The following CAMTA1 variants were observed in gnomAD, a reference collection of about 807,000 sequenced individuals.
The protein encoded by CAMTA1 is calmodulin-binding transcription activator 1.
In CAMTA1, 27 loss-of-function variants were observed where a neutral mutation model predicts 170.9. That is an observed-to-expected ratio of 0.16 (90% CI 0.12 to 0.22). The LOEUF is 0.22. Ranked by LOEUF, CAMTA1 falls within the 10% of genes least tolerant of loss-of-function variation. The pLI is 1.00. For synonymous variants in CAMTA1, 833 were observed against 891.5 expected, an observed-to-expected ratio of 0.93 and a Z score of 1.17; for missense variants, 1,619 against 2,217.2, an observed-to-expected ratio of 0.73 and a Z score of 5.42.
chr1:6,868,318 TA>T lies in CAMTA1; in HGVS notation c.234+43113del, dbSNP rs983806726. Reference sequence around the variant, plus strand: ...AGCGAGACTCTTTTTTTTTTTTTTTTAAAAACAAAACAAAACAAAACAAAAC... The same window carrying T: ...AGCGAGACTCTTTTTTTTTTTTTTTTAAAACAAAACAAAACAAAACAAAAC... On this transcript the variant is annotated intron_variant, in intron 3 of 22. Coordinates refer to ENST00000303635, the MANE Select transcript of CAMTA1 (RefSeq NM_015215.4). Among the ~76,000 whole-genome samples, 408 of 134,128 alleles carry T rather than the reference TA, an allele frequency of 3.0e-3. 1 individual carries two copies. The highest frequency in any genetic ancestry group is 0.011 in the African/African-American group (376 of 34,600). 88.0% of individuals were successfully genotyped at this position (134,128 alleles called of 152,430 possible). A position where few individuals can be genotyped will look rare whatever the true frequency, so the allele number is the denominator to read the frequency against.
At chr1:7,192,688 C>T (rs559977978) in intron 4 of CAMTA1, among the ~76,000 whole-genome samples, 31 of 152,274 alleles carry the variant, frequency 2.0e-4, no homozygotes, top group African/African-American at 7.2e-4. Flanking sequence ...GCATCACGGC[C>T]CCCTCACAAC....
At chr1:7,045,789 C>T (rs982128814) in intron 3 of CAMTA1, among the ~76,000 whole-genome samples, 2 of 152,210 alleles carry the variant, frequency 1.3e-5, no homozygotes, top group African/African-American at 2.4e-5. Context: ...GTGGCTGATA[C>T]GGGCTTGGAG....
intron 5 of CAMTA1, among the ~76,000 whole-genome samples, chr1:7,425,440 C>T (rs570649365): frequency 6.6e-5 from 10 of 152,196 alleles, no homozygotes; most frequent in South Asian, 2.1e-4. Context: ...CTGTGAATGG[C>T]GATGGGGGCA....
At chr1:6,868,318 TAAAAAC>T (rs1430113264) in intron 3 of CAMTA1, among the ~76,000 whole-genome samples, 3 of 134,034 alleles carry the variant, frequency 2.2e-5, no homozygotes, top group African/African-American at 8.7e-5. Context: ...TTTTTTTTTT[TAAAAAC>T]AAAACAAAAC....
At chr1:7,670,154 T>C (rs1387054553) in intron 9 of CAMTA1, among the ~76,000 whole-genome samples, 1 of 152,132 alleles carries the variant, frequency 6.6e-6, no homozygotes, top group East Asian at 1.9e-4. Context: ...ACTGCTTGCT[T>C]GTGGGACCCC....
intron 7 of CAMTA1, among the ~76,000 whole-genome samples, chr1:7,658,129 G>T (rs1307090627): frequency 1.3e-5 from 2 of 152,208 alleles, no homozygotes; most frequent in East Asian, 3.8e-4. Flanking sequence ...AGGTGGGGCT[G>T]CCCTGAAAAC....
intron 1 of CAMTA1, among the ~76,000 whole-genome samples, chr1:6,812,791 C>T (rs1457802048): frequency 1.3e-5 from 2 of 152,196 alleles, no homozygotes; most frequent in Non-Finnish European, 2.9e-5. Flanking sequence ...AATCTGATTT[C>T]TCAGGCCATA....
intron 4 of CAMTA1, among the ~76,000 whole-genome samples, chr1:7,117,591 C>T (rs572196083): frequency 5.3e-5 from 8 of 152,282 alleles, no homozygotes; most frequent in African/African-American, 1.7e-4. Flanking sequence ...AAACCCTGAA[C>T]GTTTAATAAC....
chr1:6,862,024 G>A (rs1161839588), intron 3 of CAMTA1, among the ~76,000 whole-genome samples: 1 of 150,456 alleles, frequency 6.6e-6, no homozygotes. Flanking sequence ...GTGCAGTGGT[G>A]CAATCTTGGC....
At chr1:6,957,501 C>T (rs1366812601) in intron 3 of CAMTA1, among the ~76,000 whole-genome samples, 1 of 151,374 alleles carries the variant, frequency 6.6e-6, no homozygotes, top group Non-Finnish European at 1.5e-5. Context: ...ATTGGCTTTT[C>T]CAGCTTTCAG....
intron 4 of CAMTA1, among the ~76,000 whole-genome samples, chr1:7,125,687 T>C (rs1644889865): frequency 6.6e-6 from 1 of 151,954 alleles, no homozygotes. Context: ...CCGGGGCGAC[T>C]GGGGGCTGGC....
chr1:7,391,123 G>A (rs917379559), intron 5 of CAMTA1, among the ~76,000 whole-genome samples: 1 of 151,884 alleles, frequency 6.6e-6, no homozygotes, highest in Non-Finnish European at 1.5e-5. Context: ...TCAGCCTCCC[G>A]AGTAGCCGGG....
intron 5 of CAMTA1, among the ~76,000 whole-genome samples, chr1:7,431,818 A>G (rs1386686253): frequency 6.6e-6 from 1 of 152,038 alleles, no homozygotes; most frequent in Non-Finnish European, 1.5e-5. Context: ...GGCTTTTCTG[A>G]TGCCTAAGCC....
At chr1:6,989,950 C>T (rs1041361064) in intron 3 of CAMTA1, among the ~76,000 whole-genome samples, 2 of 152,154 alleles carry the variant, frequency 1.3e-5, no homozygotes, top group African/African-American at 4.8e-5. Flanking sequence ...GGGGCAGCAA[C>T]ATGACCTCTG....
chr1:7,624,208 G>A (rs1265963122), intron 6 of CAMTA1, among the ~76,000 whole-genome samples: 1 of 152,258 alleles, frequency 6.6e-6, no homozygotes, highest in Non-Finnish European at 1.5e-5. Context: ...CCTTGCGCCT[G>A]TGCAGAGATG....
At position 7,248,536 on chromosome 1, in the gene CAMTA1, C is replaced by T. The variant is rs529909139; in HGVS notation, c.303-955C>T. ...TAGATTTTGGGGGAGTCTTCCTTGACGTTGGATCTGCCCACAGCTACTGAA... is the reference window on the plus strand; with the variant it reads ...TAGATTTTGGGGGAGTCTTCCTTGATGTTGGATCTGCCCACAGCTACTGAA... On this transcript the variant is annotated intron_variant, in intron 4 of 22. Coordinates refer to ENST00000303635, the MANE Select transcript of CAMTA1 (RefSeq NM_015215.4). This position sits in a 1 kb window ranked among gnomAD's most constrained non-coding sequence, Gnocchi z 4.0. 9.9e-5 allele frequency among the ~76,000 whole-genome samples: 15 copies of T among 152,284 alleles called. No homozygotes were observed. The highest frequency in any genetic ancestry group is 2.1e-4 in the South Asian group (1 of 4,820).
chr1:7,147,413 G>T (rs1646266654), intron 4 of CAMTA1, among the ~76,000 whole-genome samples: 1 of 123,090 alleles, frequency 8.1e-6, no homozygotes, highest in Admixed American at 8.6e-5. Context: ...AACAGAGCGA[G>T]ACTCCGTCTC....
intron 4 of CAMTA1, among the ~76,000 whole-genome samples, chr1:7,203,506 T>C (rs1289828517): frequency 7.5e-6 from 1 of 133,930 alleles, no homozygotes; most frequent in Non-Finnish European, 1.6e-5. Flanking sequence ...TTTTTTTTTT[T>C]AAATTGCCTA....
At chr1:7,158,379 C>T (rs2148737981) in intron 4 of CAMTA1, among the ~76,000 whole-genome samples, 1 of 152,296 alleles carries the variant, frequency 6.6e-6, no homozygotes, top group Non-Finnish European at 1.5e-5. Context: ...TGGGAAAAGA[C>T]ATAAAGTAAC....
Sources: allele counts gnomAD v4.1 joint callset (sites outside exome capture counted in the v4.1 genomes callset), GRCh38; gene constraint gnomAD v4.1.1; non-coding constraint Gnocchi (gnomAD v3.1); transcripts MANE v1.5; gene names NCBI Gene and HGNC (gene_info 2026-07-23, HGNC 2026-07-21).